CGGBP1: variants seen among roughly 807,000 people sequenced by gnomAD.
CGGBP1 encodes the protein CGG triplet repeat-binding protein 1.
In CGGBP1, 4 loss-of-function variants were observed where a neutral mutation model predicts 11.4. The ratio of observed to expected loss-of-function variants is 0.35; its 90% CI spans 0.17 to 0.80. CGGBP1 has a LOEUF of 0.80. Ranked by LOEUF, CGGBP1 falls within the 30% of genes least tolerant of loss-of-function variation. The pLI, the probability that CGGBP1 is intolerant of heterozygous loss-of-function variation, is 0.52. For missense variants in CGGBP1, 135 were observed against 202.1 expected (o/e 0.67, Z 2.01); for synonymous variants, 76 against 74.1 (o/e 1.03, Z -0.13).
At chr3:88,091,773 A>G (rs1314690632) in intron 2 of CGGBP1, among the ~76,000 whole-genome samples, 1 of 152,178 alleles carries the variant, frequency 6.6e-6, no homozygotes, top group Non-Finnish European at 1.5e-5. Context: ...TCCCCTGCAC[A>G]TGCTCTCTTG....
At chr3:88,080,455 T>G (rs1475982143) in intron 2 of CGGBP1, among the ~76,000 whole-genome samples, 1 of 152,182 alleles carries the variant, frequency 6.6e-6, no homozygotes, top group Non-Finnish European at 1.5e-5. Flanking sequence ...TTTTAATATA[T>G]GTCTTATTTA....
In CGGBP1 at chr3:88,053,305, A is replaced by G. The variant is rs938818953; in HGVS notation, c.*2168T>C. 2 of 152,194 alleles carry G rather than the reference A, an allele frequency of 1.3e-5. No homozygotes were observed. Among genetic ancestry groups the G allele is most frequent in the Admixed American group, 6.5e-5 (1 of 15,284 alleles). The allele number at this position is 152,194 out of a possible 1,614,324, so 9.4% of individuals were successfully genotyped here. ...AAAGTTCCATAATCAATGAAGAAAC[A>G]TTAATACCAAATCCCCACAACAGGA... is the stretch of plus-strand genomic sequence containing the variant. On this transcript the variant is annotated 3_prime_UTR_variant, in exon 4 of 4. Coordinates refer to ENST00000482016, the MANE Select transcript of CGGBP1 (RefSeq NM_001008390.2).
At chr3:88,141,654 GA>G in intron 1 of CGGBP1, 1 of 1,511,118 alleles carries the variant, frequency 6.6e-7, no homozygotes, top group Non-Finnish European at 9.0e-7. Flanking sequence ...GGTGCCTGAT[GA>G]AAACGGTTCA....
chr3:88,120,719 C>T (rs1431752797), intron 2 of CGGBP1, among the ~76,000 whole-genome samples: 1 of 152,062 alleles, frequency 6.6e-6, no homozygotes, highest in Non-Finnish European at 1.5e-5. Flanking sequence ...CGCACATGTA[C>T]TCATACTATA....
intron 2 of CGGBP1, among the ~76,000 whole-genome samples, chr3:88,071,460 C>T (rs1056361479): frequency 4.6e-5 from 7 of 152,098 alleles, no homozygotes; most frequent in East Asian, 1.9e-4. Flanking sequence ...CTGGCTAACA[C>T]GGTGAAACCC....
chr3:88,100,368 G>A (rs906521772), intron 2 of CGGBP1, among the ~76,000 whole-genome samples: 6 of 152,174 alleles, frequency 3.9e-5, no homozygotes, highest in African/African-American at 4.8e-5. Flanking sequence ...CTTTTACACT[G>A]TTGGTGGGAC....
chr3:88,080,474 A>G (rs373544228), intron 2 of CGGBP1, among the ~76,000 whole-genome samples: 11 of 152,122 alleles, frequency 7.2e-5, no homozygotes, highest in African/African-American at 2.2e-4. Flanking sequence ...TAAATTTTCA[A>G]TAGGCCTGTG....
At chr3:88,068,421 A>G (rs1432745577) in intron 2 of CGGBP1, among the ~76,000 whole-genome samples, 1 of 151,976 alleles carries the variant, frequency 6.6e-6, no homozygotes, top group Non-Finnish European at 1.5e-5. Flanking sequence ...GGTGCACAAA[A>G]TTGTTCTGTG....
At chr3:88,113,121 C>T in intron 2 of CGGBP1, 1 of 1,531,478 alleles carries the variant, frequency 6.5e-7, no homozygotes, top group African/African-American at 1.4e-5. Flanking sequence ...CTAGGAGTTT[C>T]TTTGAGTTGC....
intron 2 of CGGBP1, among the ~76,000 whole-genome samples, chr3:88,070,217 T>C (rs1174551022): frequency 6.6e-6 from 1 of 152,162 alleles, no homozygotes; most frequent in Non-Finnish European, 1.5e-5. Context: ...GAATTATAAA[T>C]TTGGACACAA....
intron 2 of CGGBP1, among the ~76,000 whole-genome samples, chr3:88,101,441 G>C (rs1704419973): frequency 6.6e-6 from 1 of 152,128 alleles, no homozygotes; most frequent in Non-Finnish European, 1.5e-5. Context: ...TTGCGAAATA[G>C]TCATGTAAAA....
At chr3:88,140,023 G>A (rs765881684) in intron 2 of CGGBP1, 1 of 1,613,708 alleles carries the variant, frequency 6.2e-7, no homozygotes, top group South Asian at 1.1e-5. Context: ...ATGAAGTGGA[G>A]CAAAGGAAAA....
rs544534432 is a variant in CGGBP1, at chr3:88,129,962, T to C, written c.-229+11008A>G. The C allele has an allele frequency of 3.4e-5, 24 of 695,684 alleles. 1 individual carries two copies. The East Asian group carries it at 6.2e-4, about 18-fold the overall frequency. The allele number at this position is 695,684 out of a possible 1,614,324, so 43.1% of individuals were successfully genotyped here. On this transcript the variant is annotated intron_variant, in intron 2 of 3. Coordinates refer to the CGGBP1 transcript ENST00000462901. ...AAAAAATTGATTGTGCAAGGAACAATAGTAGATTCTAAGAACTAGAGACTT... is the reference window on the plus strand; with the variant it reads ...AAAAAATTGATTGTGCAAGGAACAACAGTAGATTCTAAGAACTAGAGACTT...
At chr3:88,135,600 A>G (rs1249614642) in intron 2 of CGGBP1, 1 of 153,180 alleles carries the variant, frequency 6.5e-6, no homozygotes, top group Non-Finnish European at 1.5e-5. Flanking sequence ...GTGTAAGGGA[A>G]CAATGAATTC....
intron 2 of CGGBP1, among the ~76,000 whole-genome samples, chr3:88,110,956 T>C (rs910975554): frequency 2.6e-5 from 4 of 152,068 alleles, no homozygotes; most frequent in African/African-American, 9.7e-5. Flanking sequence ...GACCATGTTA[T>C]TTAGGTAACT....
At chr3:88,063,417 AAG>A (rs1481425358), upstream of CGGBP1, among the ~76,000 whole-genome samples, 1 of 152,202 alleles carries the variant, frequency 6.6e-6, no homozygotes, top group African/African-American at 2.4e-5. Flanking sequence ...ATTCACAGAA[AAG>A]AGAGTTTGTC....
intron 2 of CGGBP1, chr3:88,139,179 G>T: frequency 7.1e-7 from 1 of 1,417,832 alleles, no homozygotes; most frequent in Non-Finnish European, 9.2e-7. Context: ...CTCTCTTACA[G>T]ATCAGAGCAC....
At chr3:88,080,026 ACT>A (rs1413454433) in intron 2 of CGGBP1, among the ~76,000 whole-genome samples, 2 of 151,644 alleles carry the variant, frequency 1.3e-5, no homozygotes, top group African/African-American at 4.8e-5. Flanking sequence ...TTGACAAGTG[ACT>A]CTTTTTTTTT....
At chr3:88,139,459 A>G (rs780652635) in intron 2 of CGGBP1, 2 of 1,613,836 alleles carry the variant, frequency 1.2e-6, no homozygotes, top group South Asian at 2.2e-5. Context: ...CATGTTAAGA[A>G]GATACAGAGG....
Sources: allele counts gnomAD v4.1 joint callset (sites outside exome capture counted in the v4.1 genomes callset), GRCh38; gene constraint gnomAD v4.1.1; transcripts MANE v1.5; gene names NCBI Gene and HGNC (gene_info 2026-07-23, HGNC 2026-07-21).